The following ALDH2 variants were observed in gnomAD, a reference collection of about 807,000 sequenced individuals.
ALDH2 encodes aldehyde dehydrogenase, mitochondrial.
ALDH2 carries 44 observed loss-of-function variants against 59.6 expected under a neutral mutation model. The ratio of observed to expected loss-of-function variants is 0.74; its 90% CI spans 0.58 to 0.95. ALDH2 has a LOEUF of 0.95. ALDH2 is among the 40% of genes least tolerant of loss of function. ALDH2 has a pLI of 0.00. For missense variants in ALDH2, 570 were observed against 696.3 expected, an observed-to-expected ratio of 0.82 and a Z score of 2.04; for synonymous variants, 291 against 284.0, an observed-to-expected ratio of 1.02 and a Z score of -0.25.
At chr12:111,796,274 A>G (rs2136021656) in intron 9 of ALDH2, among the ~76,000 whole-genome samples, 1 of 152,098 alleles carries the variant, frequency 6.6e-6, no homozygotes, top group Non-Finnish European at 1.5e-5. Flanking sequence ...GTGAGCCAAA[A>G]TCGTGCCACC....
At chr12:111,807,291 A>G (rs1175685701) in intron 12 of ALDH2, among the ~76,000 whole-genome samples, 3 of 151,902 alleles carry the variant, frequency 2.0e-5, no homozygotes, top group Non-Finnish European at 4.4e-5. Flanking sequence ...AACGGAAAAA[A>G]AAAAACAGTA....
intron 3 of ALDH2, 62 bp from the exon 4 acceptor site, chr12:111,785,205 C>G: frequency 7.2e-7 from 1 of 1,388,308 alleles, no homozygotes; most frequent in South Asian, 1.2e-5. Flanking sequence ...CGCCCTCTGT[C>G]AGCCCTTTGT....
Position 111,811,484 on chromosome 12 carries a change from T to A in ALDH2, c.*1909T>A, listed in dbSNP as rs908904571. 5.3e-5 allele frequency: 8 copies of A among 151,962 alleles called. No homozygotes were observed. Among genetic ancestry groups the A allele is most frequent in the African/African-American group, 1.7e-4 (7 of 41,486 alleles). 9.4% of individuals were successfully genotyped at this position (151,962 alleles called of 1,614,324 possible). A position where few individuals can be genotyped will look rare whatever the true frequency, so the allele number is the denominator to read the frequency against. ...GTATTTTCTTTTTTTTTTTCTTCTTTTTTTTTTGAGACTGAGTCTCGGTCT... is the reference window on the plus strand; with the variant it reads ...GTATTTTCTTTTTTTTTTTCTTCTTATTTTTTTGAGACTGAGTCTCGGTCT... On this transcript the variant is annotated 3_prime_UTR_variant, in exon 13 of 13. Transcript: ENST00000261733.
intron 1 of ALDH2, among the ~76,000 whole-genome samples, chr12:111,773,177 G>C (rs1250864196): frequency 6.6e-6 from 1 of 152,042 alleles, no homozygotes; most frequent in African/African-American, 2.4e-5. Context: ...TTGAACCCAG[G>C]AGGCGGAGGT....
chr12:111,799,007 T>C (rs954509156), intron 10 of ALDH2, among the ~76,000 whole-genome samples: 4 of 151,742 alleles, frequency 2.6e-5, no homozygotes, highest in Admixed American at 2.6e-4. Flanking sequence ...GGACTCTGTC[T>C]CCAGTTTTAG....
intron 4 of ALDH2, among the ~76,000 whole-genome samples, chr12:111,789,511 A>G (rs1161555710): frequency 1.3e-5 from 2 of 149,948 alleles, no homozygotes; most frequent in African/African-American, 5.0e-5. Flanking sequence ...AAAAGAAAAG[A>G]AAAGAAAGAA....
intron 3 of ALDH2, among the ~76,000 whole-genome samples, chr12:111,784,229 G>T (rs1220539154): frequency 1.3e-5 from 2 of 152,200 alleles, no homozygotes; most frequent in African/African-American, 4.8e-5. Flanking sequence ...CAGGAGGCTT[G>T]CTTGAGCCCA....
intron 1 of ALDH2, 74 bp downstream of exon 1, chr12:111,767,170 C>A (rs2068165488): frequency 1.1e-5 from 14 of 1,221,498 alleles, no homozygotes; most frequent in Non-Finnish European, 1.3e-5. Flanking sequence ...AGGCCCCGCG[C>A]CGCCGTGGGC....
chr12:111,801,996 T>G (rs927948125), intron 11 of ALDH2, among the ~76,000 whole-genome samples: 4 of 152,184 alleles, frequency 2.6e-5, no homozygotes, highest in Non-Finnish European at 5.9e-5. Context: ...GGCTCACCCC[T>G]GTAATCCCAG....
intron 7 of ALDH2, among the ~76,000 whole-genome samples, chr12:111,791,683 C>G (rs1000243016): frequency 6.6e-6 from 1 of 152,116 alleles, no homozygotes; most frequent in African/African-American, 2.4e-5. Context: ...CAGAGCTGAC[C>G]GCTTGCCCCA....
chr12:111,795,313 C>T (rs1337023492), intron 9 of ALDH2, among the ~76,000 whole-genome samples: 1 of 152,100 alleles, frequency 6.6e-6, no homozygotes, highest in South Asian at 2.1e-4. Flanking sequence ...GAGACCGTCT[C>T]GCTCTGTCAC....
At chr12:111,800,372 C>A (rs1025427094) in intron 11 of ALDH2, among the ~76,000 whole-genome samples, 2 of 152,240 alleles carry the variant, frequency 1.3e-5, no homozygotes, top group African/African-American at 4.8e-5. Context: ...AGCTTAGCCT[C>A]TGCTTCACAC....
At chr12:111,778,858 G>A (rs865879552) in intron 1 of ALDH2, among the ~76,000 whole-genome samples, 4 of 149,932 alleles carry the variant, frequency 2.7e-5, no homozygotes, top group East Asian at 3.9e-4. Context: ...GCCCATATTC[G>A]TCCAGATTCT....
chr12:111,801,193 CT>C (rs1291481698), intron 11 of ALDH2, among the ~76,000 whole-genome samples: 1 of 152,128 alleles, frequency 6.6e-6, no homozygotes, highest in Non-Finnish European at 1.5e-5. Flanking sequence ...GGAAACTCCC[CT>C]TTATAAAACC....
intron 12 of ALDH2, among the ~76,000 whole-genome samples, chr12:111,807,890 T>C (rs190808326): frequency 6.0e-4 from 91 of 151,962 alleles, no homozygotes; most frequent in Non-Finnish European, 9.7e-4. Context: ...TTTTTTTTTT[T>C]TTCTGAGCCA....
intron 4 of ALDH2, among the ~76,000 whole-genome samples, chr12:111,786,542 TGATA>T (rs539125173): frequency 2.4e-4 from 37 of 151,652 alleles, no homozygotes; most frequent in African/African-American, 8.2e-4. Flanking sequence ...GGCGATTGAT[TGATA>T]ATTTTAATTT....
At chr12:111,809,515 T>C (rs1475243339) in intron 12 of ALDH2, 28 bp from the exon 13 acceptor site, 15 of 1,614,014 alleles carry the variant, frequency 9.3e-6, no homozygotes, top group Non-Finnish European at 1.2e-5. Context: ...AGCAGGAAGA[T>C]CTAACGGCTT....
intron 1 of ALDH2, among the ~76,000 whole-genome samples, chr12:111,779,584 T>C (rs986476115): frequency 1.3e-5 from 2 of 152,232 alleles, no homozygotes; most frequent in African/African-American, 2.4e-5. Context: ...GTATTCTTTA[T>C]GGTCCGAGAC....
chr12:111,799,812 C>T (rs1270499002), intron 10 of ALDH2, 94 bp from the exon 11 acceptor site: 3 of 1,423,456 alleles, frequency 2.1e-6, no homozygotes, highest in Non-Finnish European at 1.9e-6. Flanking sequence ...GGGGGCTTAT[C>T]CCCCAATCTG....
Sources: allele counts gnomAD v4.1 joint callset (sites outside exome capture counted in the v4.1 genomes callset), GRCh38; gene constraint gnomAD v4.1.1; transcripts MANE v1.5; gene names NCBI Gene and HGNC (gene_info 2026-07-23, HGNC 2026-07-21).